PCDHGA4: variants seen among roughly 807,000 people sequenced by gnomAD.
PCDHGA4 encodes protocadherin gamma-A4.
A neutral mutation model predicts 54.6 loss-of-function variants in PCDHGA4; 38 were observed. That is an observed-to-expected ratio of 0.70 (90% CI 0.54 to 0.91). The LOEUF is 0.91. PCDHGA4 is among the 40% of genes least tolerant of loss of function. PCDHGA4 has a pLI of 0.00. For synonymous variants in PCDHGA4, 511 were observed against 512.9 expected, an observed-to-expected ratio of 1.00 and a Z score of 0.05; for missense variants, 1,298 against 1,220.9, an observed-to-expected ratio of 1.06 and a Z score of -0.94.
chr5:141,432,700 G>A lies in PCDHGA4; in HGVS notation c.2515-62107G>A. On this transcript the variant is annotated intron_variant, in intron 1 of 3. Transcript: ENST00000571252. The surrounding 1 kb of genome is among the most constrained non-coding windows in gnomAD (Gnocchi z 6.0). ...AGCAGAGCCTCGTAGTGGCCGTCCAGGACCACGGCCAGCCCCCTCTCTCCG... is the reference window on the plus strand; with the variant it reads ...AGCAGAGCCTCGTAGTGGCCGTCCAAGACCACGGCCAGCCCCCTCTCTCCG... The A allele has an allele frequency of 6.2e-7, 1 of 1,613,980 alleles. No individual in the cohort carries two copies. The highest frequency in any genetic ancestry group is 8.5e-7 in the Non-Finnish European group (1 of 1,179,978).
intron 1 of PCDHGA4, chr5:141,441,978 A>T (rs769977785): frequency 9.1e-5 from 26 of 285,248 alleles, no homozygotes; most frequent in Non-Finnish European, 1.8e-4. Flanking sequence ...TCAGCCTGGA[A>T]TGCGCACCGA....
intron 1 of PCDHGA4, chr5:141,393,662 A>G (rs1442061423): frequency 6.2e-7 from 1 of 1,613,816 alleles, no homozygotes; most frequent in African/African-American, 1.3e-5. Context: ...AATTCCGGAA[A>G]ATTAATGAAA....
chr5:141,504,209 C>T (rs1305672612), intron 2 of PCDHGA4, among the ~76,000 whole-genome samples: 1 of 152,180 alleles, frequency 6.6e-6, no homozygotes, highest in Non-Finnish European at 1.5e-5. Flanking sequence ...TGGGAAAATT[C>T]CAAGTAGAGC....
At chr5:141,419,116 C>A in intron 1 of PCDHGA4, 2 of 1,613,888 alleles carry the variant, frequency 1.2e-6, no homozygotes. Context: ...CAGAGTACAA[C>A]GTCACCATCG....
chr5:141,357,273 C>T lies in PCDHGA4; in HGVS notation c.2166C>T (p.Leu722=), dbSNP rs111314276. The T allele has an allele frequency of 6.2e-7, 1 of 1,613,852 alleles. No homozygotes were observed. ...SADPDDSGLT[L]YLVVAVAAVS... ...ACCCAGACGACTCGGGCCTCACACT[C>T]TATCTCGTGGTGGCAGTGGCCGCTG... The change falls in exon 1 of 4, where the codon CTC becomes CTT. Residue 722 remains leucine, a synonymous_variant. Coordinates refer to ENST00000571252, the MANE Select transcript of PCDHGA4 (RefSeq NM_018917.4).
At chr5:141,419,125 C>T in intron 1 of PCDHGA4, 1 of 1,613,852 alleles carries the variant, frequency 6.2e-7, no homozygotes, top group South Asian at 1.1e-5. Flanking sequence ...ACGTCACCAT[C>T]GCAGCCACAG....
chr5:141,429,760 C>T (rs1036499079), intron 1 of PCDHGA4, among the ~76,000 whole-genome samples: 2 of 152,020 alleles, frequency 1.3e-5, no homozygotes, highest in Non-Finnish European at 2.9e-5. Context: ...AATTTTTTCC[C>T]TATATTTTGA....
chr5:141,444,997 A>G (rs2154560871), intron 1 of PCDHGA4, among the ~76,000 whole-genome samples: 1 of 152,292 alleles, frequency 6.6e-6, no homozygotes, highest in Admixed American at 6.5e-5. Context: ...ATATATTTCC[A>G]TTTAATTAGG....
chr5:141,374,302 G>A (rs769015747), intron 1 of PCDHGA4: 2 of 1,613,984 alleles, frequency 1.2e-6, no homozygotes, highest in Non-Finnish European at 1.7e-6. Flanking sequence ...GTAGGATGCA[G>A]CTTTTCTCTC....
At chr5:141,392,063 A>G (rs2092459837) in intron 1 of PCDHGA4, 1 of 152,218 alleles carries the variant, frequency 6.6e-6, no homozygotes, top group African/African-American at 2.4e-5. Context: ...TATTATCGAC[A>G]TGTAATTCAA....
In PCDHGA4 at chr5:141,489,152, A is replaced by C; in HGVS notation, c.2515-5655A>C. The C allele has an allele frequency of 2.1e-6, 2 of 960,350 alleles. No individual in the cohort carries two copies. Among genetic ancestry groups the C allele is most frequent in the Non-Finnish European group, 3.1e-6 (2 of 640,552 alleles). 59.5% of individuals were successfully genotyped at this position (960,350 alleles called of 1,614,324 possible). A position where few individuals can be genotyped will look rare whatever the true frequency, so the allele number is the denominator to read the frequency against. On this transcript the variant is annotated intron_variant, in intron 1 of 3. Transcript: ENST00000571252. This position sits in a 1 kb window ranked among gnomAD's most constrained non-coding sequence, Gnocchi z 4.5. The stretch of plus-strand genomic sequence containing the variant: ...TTTTAAGAGGCTGGAAGGAGACATA[A>C]GAGACTTCAGCTGCTGCATTCCAAG...
chr5:141,384,636 C>T (rs760530136), intron 1 of PCDHGA4: 4 of 1,614,202 alleles, frequency 2.5e-6, no homozygotes, highest in South Asian at 1.1e-5. Flanking sequence ...AGCTGGCACC[C>T]CGCTCCGCAG....
At chr5:141,461,225 T>C (rs1157429654) in intron 1 of PCDHGA4, among the ~76,000 whole-genome samples, 3 of 152,162 alleles carry the variant, frequency 2.0e-5, no homozygotes, top group African/African-American at 7.2e-5. Flanking sequence ...CTGTTTTCCA[T>C]AGAGGTTGTA....
intron 1 of PCDHGA4, among the ~76,000 whole-genome samples, chr5:141,464,901 G>A (rs1562002452): frequency 6.6e-6 from 1 of 151,916 alleles, no homozygotes; most frequent in Non-Finnish European, 1.5e-5. Context: ...ACCATGTCCA[G>A]CTAATTTTTT....
chr5:141,384,238 G>C, intron 1 of PCDHGA4: 2 of 1,613,838 alleles, frequency 1.2e-6, no homozygotes, highest in Admixed American at 1.7e-5. Flanking sequence ...AGACACCAAC[G>C]ATAACCCACC....
intron 1 of PCDHGA4, chr5:141,492,007 C>T (rs1261430567): frequency 3.0e-5 from 19 of 628,956 alleles, no homozygotes; most frequent in Non-Finnish European, 4.6e-5. Flanking sequence ...GCGATTTCCG[C>T]GGGTGTCGGG....
intron 3 of PCDHGA4, among the ~76,000 whole-genome samples, chr5:141,509,766 G>A (rs1176830940): frequency 6.6e-6 from 1 of 152,104 alleles, no homozygotes; most frequent in Non-Finnish European, 1.5e-5. Flanking sequence ...TCCCTGAGAT[G>A]TCTAGTCCCC....
At chr5:141,405,881 T>C (rs998587989) in intron 1 of PCDHGA4, among the ~76,000 whole-genome samples, 4 of 152,210 alleles carry the variant, frequency 2.6e-5, no homozygotes, top group Admixed American at 2.6e-4. Flanking sequence ...GGCCTAATTG[T>C]TGCTCCAACA....
In PCDHGA4 at chr5:141,415,509, T is replaced by C. The variant is rs1296405723; in HGVS notation, c.2514+57888T>C. The C allele has an allele frequency of 4.3e-6, 7 of 1,614,054 alleles. No individual in the cohort carries two copies. In the Admixed American group the frequency reaches 5.0e-5, roughly 12 times the overall value. On this transcript the variant is annotated intron_variant, in intron 1 of 3. Transcript: ENST00000571252. ...GTCACCTGATCTTCCCCCAGCCCAA[T>C]TATGCGGACACGCTCATCAGCCAGG...
Sources: allele counts gnomAD v4.1 joint callset (sites outside exome capture counted in the v4.1 genomes callset), GRCh38; gene constraint gnomAD v4.1.1; non-coding constraint Gnocchi (gnomAD v3.1); transcripts MANE v1.5; gene names NCBI Gene and HGNC (gene_info 2026-07-23, HGNC 2026-07-21).